The following KCNQ1 variants were observed in gnomAD, a reference collection of about 807,000 sequenced individuals.
KCNQ1 encodes the protein potassium voltage-gated channel subfamily Q member 1.
KCNQ1 carries 49 observed loss-of-function variants against 72.4 expected under a neutral mutation model. The observed-to-expected ratio is 0.68, with a 90% CI of 0.54 to 0.86. The LOEUF is 0.86. KCNQ1 is among the 40% of genes least tolerant of loss of function. The pLI is 0.00. For missense variants in KCNQ1, 790 were observed against 945.1 expected, an observed-to-expected ratio of 0.84 and a Z score of 2.15; for synonymous variants, 450 against 412.6, an observed-to-expected ratio of 1.09 and a Z score of -1.10.
intron 2 of KCNQ1, among the ~76,000 whole-genome samples, chr11:2,551,435 T>G (rs1847982341): frequency 6.6e-6 from 1 of 152,242 alleles, no homozygotes; most frequent in South Asian, 2.1e-4. Context: ...GTCTCTGCAT[T>G]CAGCAGTTTG....
At position 2,670,945 on chromosome 11, in the gene KCNQ1, A is replaced by G; in HGVS notation, c.1514+8864A>G. 1 of 398,636 alleles carries G rather than the reference A, an allele frequency of 2.5e-6. No homozygotes were observed. Among genetic ancestry groups the G allele is most frequent in the Non-Finnish European group, 4.4e-6 (1 of 226,088 alleles). 24.7% of individuals were successfully genotyped at this position (398,636 alleles called of 1,614,324 possible). A position where few individuals can be genotyped will look rare whatever the true frequency, so the allele number is the denominator to read the frequency against. On this transcript the variant is annotated intron_variant, in intron 11 of 15. Transcript: ENST00000155840. This position sits in a 1 kb window ranked among gnomAD's most constrained non-coding sequence, Gnocchi z 4.9. ...GATGCAAATTGGCAGGCCCAGCTTC[A>G]TGCCTTCTTATGGTGCCCCAGAGCC...
In KCNQ1 at chr11:2,602,806, A is replaced by G. The variant is rs1161298438; in HGVS notation, c.1393+13952A>G. ...CTGTCGAGTTTTGGGAGATGTTTAT[A>G]TATTCTAGATACTTATCTTAAGTCA... On this transcript the variant is annotated intron_variant, in intron 10 of 15. Transcript: ENST00000155840. This position sits in a 1 kb window ranked among gnomAD's most constrained non-coding sequence, Gnocchi z 4.8. 6.6e-6 allele frequency among the ~76,000 whole-genome samples: 1 copy of G among 152,202 alleles called. No homozygotes were observed. Among genetic ancestry groups the G allele is most frequent in the African/African-American group, 2.4e-5 (1 of 41,444 alleles).
In KCNQ1 at chr11:2,704,291, G is replaced by A. The variant is rs1264935267; in HGVS notation, c.1514+42210G>A. Among the ~76,000 whole-genome samples the A allele has an allele frequency of 2.0e-5, 3 of 152,230 alleles. No individual in the cohort carries two copies. The highest frequency in any genetic ancestry group is 4.8e-5 in the African/African-American group (2 of 41,462). On this transcript the variant is annotated intron_variant, in intron 11 of 15. Transcript: ENST00000155840. The surrounding 1 kb of genome is among the most constrained non-coding windows in gnomAD (Gnocchi z 4.3). ...TCGCCTGCACCTGCATTCCACTGGGGCTTCCCTTCCAACTTGATGGTTTCA... is the reference window on the plus strand; with the variant it reads ...TCGCCTGCACCTGCATTCCACTGGGACTTCCCTTCCAACTTGATGGTTTCA...
At position 2,547,709 on chromosome 11, in the gene KCNQ1, T is replaced by A. The variant is rs183262755; in HGVS notation, c.477+19691T>A. 6.6e-6 allele frequency among the ~76,000 whole-genome samples: 1 copy of A among 152,186 alleles called. No individual in the cohort carries two copies. The highest frequency in any genetic ancestry group is 1.5e-5 in the Non-Finnish European group (1 of 68,040). On this transcript the variant is annotated intron_variant, in intron 2 of 15. Coordinates refer to ENST00000155840, the MANE Select transcript of KCNQ1 (RefSeq NM_000218.3). The surrounding 1 kb of genome is among the most constrained non-coding windows in gnomAD (Gnocchi z 4.2). ...TGACTCCATTTCCATCTTTTATAAG[T>A]TCAGACCCCCACAACCTTGGGTGGA...
Position 2,775,272 on chromosome 11 carries a change from T to A in KCNQ1, c.1591-688T>A, listed in dbSNP as rs146053558. On this transcript the variant is annotated intron_variant, in intron 12 of 15. Coordinates refer to ENST00000155840, the MANE Select transcript of KCNQ1 (RefSeq NM_000218.3). ...TTTTCTCTGTTGTGGTTTCAAGATG[T>A]CACCTGAGTCCCACTTATAGGCTTA... 7.9e-5 allele frequency among the ~76,000 whole-genome samples: 12 copies of A among 152,338 alleles called. No individual in the cohort carries two copies. In the East Asian group the frequency reaches 2.3e-3, roughly 29 times the overall value.
At position 2,623,821 on chromosome 11, in the gene KCNQ1, G is replaced by T; in HGVS notation, c.1393+34967G>T. On this transcript the variant is annotated intron_variant, in intron 10 of 15. Coordinates refer to ENST00000155840, the MANE Select transcript of KCNQ1 (RefSeq NM_000218.3). This position sits in a 1 kb window ranked among gnomAD's most constrained non-coding sequence, Gnocchi z 5.2. ...TTGCTGAACTGCATGGTAAGAATAT[G>T]TTTAATTTTATAAGAAACCACTGAT... is the stretch of plus-strand genomic sequence containing the variant. 1 of 398,498 alleles carries T rather than the reference G, an allele frequency of 2.5e-6. No individual in the cohort carries two copies. Among genetic ancestry groups the T allele is most frequent in the African/African-American group, 2.1e-5 (1 of 48,696 alleles). The allele number at this position is 398,498 out of a possible 1,614,324, so 24.7% of individuals were successfully genotyped here.
intron 11 of KCNQ1, chr11:2,699,614 A>G (rs112473983): frequency 8.2e-5 from 19 of 231,688 alleles, no homozygotes; most frequent in East Asian, 4.2e-4. Flanking sequence ...AGGCCCCCGG[A>G]GAGAACCGCG....
Position 2,802,030 on chromosome 11 carries a change from C to G in KCNQ1, c.1794+23993C>G, listed in dbSNP as rs372090783. The stretch of plus-strand genomic sequence containing the variant: ...TGGGGGAGCTTTGTATTCTCTGTGG[C>G]TGGAGGCGATTTCGCCAGCTGCGGA... On this transcript the variant is annotated intron_variant, in intron 15 of 15. Transcript: ENST00000155840. Among the ~76,000 whole-genome samples, 191 of 152,364 alleles carry G rather than the reference C, an allele frequency of 1.3e-3. 1 individual carries two copies. The highest frequency in any genetic ancestry group is 4.3e-3 in the African/African-American group (178 of 41,588).
Position 2,784,609 on chromosome 11 carries a change from T to C in KCNQ1, c.1794+6572T>C, listed in dbSNP as rs1346888302. ...ATAGGCATTGTGTTGAATCTATAGATCCATTTGGGGAAAATTGACAACTTA... is the reference window on the plus strand; with the variant it reads ...ATAGGCATTGTGTTGAATCTATAGACCCATTTGGGGAAAATTGACAACTTA... On this transcript the variant is annotated intron_variant, in intron 15 of 15. Coordinates refer to ENST00000155840, the MANE Select transcript of KCNQ1 (RefSeq NM_000218.3). The surrounding 1 kb of genome is among the most constrained non-coding windows in gnomAD (Gnocchi z 4.7). 6.6e-6 allele frequency among the ~76,000 whole-genome samples: 1 copy of C among 151,934 alleles called. No individual in the cohort carries two copies. Among genetic ancestry groups the C allele is most frequent in the Non-Finnish European group, 1.5e-5 (1 of 67,822 alleles).
chr11:2,802,351 A>G lies in KCNQ1; in HGVS notation c.1794+24314A>G, dbSNP rs777322567. 9.9e-5 allele frequency among the ~76,000 whole-genome samples: 15 copies of G among 152,210 alleles called. No individual in the cohort carries two copies. In the South Asian group the frequency reaches 2.7e-3, roughly 27 times the overall value. ...ACTGGGGCCACCAGCACAGCCTCCCAGCCCTCACCAGTATTAACTGTCATC... is the reference window on the plus strand; with the variant it reads ...ACTGGGGCCACCAGCACAGCCTCCCGGCCCTCACCAGTATTAACTGTCATC... On this transcript the variant is annotated intron_variant, in intron 15 of 15. Coordinates refer to ENST00000155840, the MANE Select transcript of KCNQ1 (RefSeq NM_000218.3).
At chr11:2,504,308 G>T (rs1392927904) in intron 1 of KCNQ1, among the ~76,000 whole-genome samples, 4 of 151,520 alleles carry the variant, frequency 2.6e-5, no homozygotes, top group Non-Finnish European at 5.9e-5. Flanking sequence ...AGAGTAAAAG[G>T]ATGGTTACCA....
chr11:2,628,497 G>GT (rs1376595889), intron 10 of KCNQ1: 2 of 398,232 alleles, frequency 5.0e-6, no homozygotes, highest in African/African-American at 2.1e-5. Flanking sequence ...GGGTTATTAA[G>GT]TTTTTTTGCT....
At chr11:2,580,170 C>T (rs1329423556) in intron 6 of KCNQ1, among the ~76,000 whole-genome samples, 1 of 152,152 alleles carries the variant, frequency 6.6e-6, no homozygotes, top group Non-Finnish European at 1.5e-5. Context: ...AGGAGCTCCC[C>T]ACTGGCCTCC....
intron 15 of KCNQ1, among the ~76,000 whole-genome samples, chr11:2,796,236 C>G (rs181608911): frequency 6.6e-6 from 1 of 152,214 alleles, no homozygotes; most frequent in East Asian, 1.9e-4. Flanking sequence ...GAAGCCAGCA[C>G]GGCCCCTGGC....
Position 2,620,447 on chromosome 11 carries a change from C to A in KCNQ1, c.1393+31593C>A. On this transcript the variant is annotated intron_variant, in intron 10 of 15. Coordinates refer to ENST00000155840, the MANE Select transcript of KCNQ1 (RefSeq NM_000218.3). The surrounding 1 kb of genome is among the most constrained non-coding windows in gnomAD (Gnocchi z 4.5). Reference sequence around the variant, plus strand: ...GTCAGGCTGGTCTCGAACTCCTGACCTCAGGTGATCCACCCGCCTTGGCCT... The same window carrying A: ...GTCAGGCTGGTCTCGAACTCCTGACATCAGGTGATCCACCCGCCTTGGCCT... 1 of 295,082 alleles carries A rather than the reference C, an allele frequency of 3.4e-6. No homozygotes were observed. The highest frequency in any genetic ancestry group is 6.2e-6 in the Non-Finnish European group (1 of 162,308). The allele number at this position is 295,082 out of a possible 1,614,324, so 18.3% of individuals were successfully genotyped here.
In KCNQ1 at chr11:2,661,915, G is replaced by A; in HGVS notation, c.1394-46G>A. 1 of 1,613,782 alleles carries A rather than the reference G, an allele frequency of 6.2e-7. No homozygotes were observed. The highest frequency in any genetic ancestry group is 8.5e-7 in the Non-Finnish European group (1 of 1,179,942). Reference sequence around the variant, plus strand: ...CAGGCCTGGCTCCACAGCACTGGCAGGTTGGGTGGGAGGCCTAACGTGCTG... The same window carrying A: ...CAGGCCTGGCTCCACAGCACTGGCAAGTTGGGTGGGAGGCCTAACGTGCTG... On this transcript the variant is annotated intron_variant, in intron 10 of 15. Coordinates refer to ENST00000155840, the MANE Select transcript of KCNQ1 (RefSeq NM_000218.3). This position sits in a 1 kb window ranked among gnomAD's most constrained non-coding sequence, Gnocchi z 5.9.
At chr11:2,607,707 A>G (rs1462341760) in intron 10 of KCNQ1, among the ~76,000 whole-genome samples, 1 of 152,224 alleles carries the variant, frequency 6.6e-6, no homozygotes, top group Non-Finnish European at 1.5e-5. Flanking sequence ...GAACAGACTG[A>G]CAGAAATCGT....
chr11:2,451,949 T>G lies in KCNQ1; in HGVS notation c.386+6465T>G, dbSNP rs1323607271. ...GCACTATTCCTGGCCTCAGGCCCAG[T>G]TTGTATCCATGGGCACCCCCACTCC... On this transcript the variant is annotated intron_variant, in intron 1 of 15. Transcript: ENST00000155840. The surrounding 1 kb of genome is among the most constrained non-coding windows in gnomAD (Gnocchi z 6.4). Among the ~76,000 whole-genome samples the G allele has an allele frequency of 6.6e-6, 1 of 152,106 alleles. No individual in the cohort carries two copies. Among genetic ancestry groups the G allele is most frequent in the Admixed American group, 6.5e-5 (1 of 15,284 alleles).
chr11:2,629,935 C>T (rs975916131), intron 10 of KCNQ1: 4 of 398,302 alleles, frequency 1.0e-5, no homozygotes, highest in Non-Finnish European at 1.3e-5. Flanking sequence ...CCCAATTCCT[C>T]TGGCTAGGAC....
Sources: allele counts gnomAD v4.1 joint callset (sites outside exome capture counted in the v4.1 genomes callset), GRCh38; gene constraint gnomAD v4.1.1; non-coding constraint Gnocchi (gnomAD v3.1); transcripts MANE v1.5; gene names NCBI Gene and HGNC (gene_info 2026-07-23, HGNC 2026-07-21).